CYRIB: variants seen among roughly 807,000 people sequenced by gnomAD.
The protein encoded by CYRIB is CYFIP related Rac1 interactor B, also known as CYFIP-related Rac1 interactor B.
A neutral mutation model predicts 44.2 loss-of-function variants in CYRIB; 8 were observed. That is an observed-to-expected ratio of 0.18 (90% CI 0.11 to 0.33). CYRIB has a LOEUF of 0.33. Among genes scored for constraint, CYRIB ranks in the 10% least tolerant of loss-of-function variants. The pLI, the probability that CYRIB is intolerant of heterozygous loss-of-function variation, is 1.00. For synonymous variants in CYRIB, 131 were observed against 127.2 expected, an observed-to-expected ratio of 1.03 and a Z score of -0.20; for missense variants, 185 against 382.8, an observed-to-expected ratio of 0.48 and a Z score of 4.31.
intron 1 of CYRIB, among the ~76,000 whole-genome samples, chr8:129,972,968 C>T (rs530716066): frequency 1.3e-5 from 2 of 152,332 alleles, no homozygotes; most frequent in African/African-American, 2.4e-5. Flanking sequence ...CTCAGTCTTT[C>T]GGAGCATCTG....
exon 12 of CYRIB, chr8:129,841,633 AAAACTTT>A (rs1471302891): frequency 6.5e-5 from 10 of 153,350 alleles, no homozygotes; most frequent in African/African-American, 2.4e-4. Flanking sequence ...ATGCAAACTT[AAAACTTT>A]AAACAAAAGT....
chr8:129,999,552 G>C (rs1430489053), intron 1 of CYRIB, among the ~76,000 whole-genome samples: 1 of 152,250 alleles, frequency 6.6e-6, no homozygotes. Context: ...CCTTTTACCA[G>C]AATTGCTTCC....
In CYRIB at chr8:129,989,351, C is replaced by T. The variant is rs560064777; in HGVS notation, c.-295-18356G>A. 1.8e-4 allele frequency among the ~76,000 whole-genome samples: 27 copies of T among 152,294 alleles called. No individual in the cohort carries two copies. In the South Asian group the frequency reaches 5.2e-3, roughly 29 times the overall value. On this transcript the variant is annotated intron_variant, in intron 1 of 14. Coordinates refer to the CYRIB transcript ENST00000401979. ...CAGCTGCCCACTGAGCAATGAAAGGCGGTCTCTACTTCCCAAAGCGGACCG... is the reference window on the plus strand; with the variant it reads ...CAGCTGCCCACTGAGCAATGAAAGGTGGTCTCTACTTCCCAAAGCGGACCG...
At chr8:129,922,873 A>C (rs185967065) in intron 1 of CYRIB, among the ~76,000 whole-genome samples, 36 of 150,040 alleles carry the variant, frequency 2.4e-4, no homozygotes, top group Non-Finnish European at 3.0e-5. Flanking sequence ...CAAAAAAAAA[A>C]CAAAAAAAGA....
intron 1 of CYRIB, among the ~76,000 whole-genome samples, chr8:129,923,211 C>G (rs1224940309): frequency 9.5e-6 from 1 of 104,768 alleles, no homozygotes; most frequent in African/African-American, 3.9e-5. Context: ...CCATTGCACT[C>G]TAGCCTGGGC....
intron 1 of CYRIB, among the ~76,000 whole-genome samples, chr8:129,989,570 A>C (rs2133224679): frequency 6.6e-6 from 1 of 151,838 alleles, no homozygotes; most frequent in South Asian, 2.1e-4. Flanking sequence ...GCAGCAGAGC[A>C]GCACAACCAG....
At chr8:129,992,693 T>C (rs1024324153) in intron 1 of CYRIB, among the ~76,000 whole-genome samples, 2 of 152,238 alleles carry the variant, frequency 1.3e-5, no homozygotes, top group Non-Finnish European at 2.9e-5. Flanking sequence ...CACCCATTGT[T>C]CGTATCTCTA....
chr8:129,849,380 G>C lies in CYRIB; in HGVS notation c.714-11C>G, dbSNP rs1310201346. On this transcript the variant is annotated splice_polypyrimidine_tract_variant and intron_variant, in intron 9 of 11. Coordinates refer to ENST00000519824, the Ensembl canonical transcript of CYRIB. ...CTGCTTCTGTATTCCCTGAAGAGTA[G>C]ATAAGATATGCATGGAAGAAGTGCA... is the stretch of plus-strand genomic sequence containing the variant. 2 of 1,597,266 alleles carry C rather than the reference G, an allele frequency of 1.3e-6. No individual in the cohort carries two copies. Among genetic ancestry groups the C allele is most frequent in the African/African-American group, 2.7e-5 (2 of 73,846 alleles).
intron 5 of CYRIB, among the ~76,000 whole-genome samples, chr8:129,858,551 A>G (rs2047440223): frequency 6.6e-6 from 1 of 152,236 alleles, no homozygotes. Flanking sequence ...ATTCTCATCA[A>G]CTGCCATCTA....
At chr8:129,884,829 C>T (rs966870350) in intron 2 of CYRIB, among the ~76,000 whole-genome samples, 3 of 152,144 alleles carry the variant, frequency 2.0e-5, no homozygotes, top group Non-Finnish European at 4.4e-5. Context: ...CATGGTTTAC[C>T]TCAGGAGTTG....
At position 129,852,284 on chromosome 8, in the gene CYRIB, G is replaced by T; in HGVS notation, c.517-6C>A. On this transcript the variant is annotated splice_polypyrimidine_tract_variant and splice_region_variant and intron_variant, in intron 7 of 11. Coordinates refer to ENST00000519824, the Ensembl canonical transcript of CYRIB. Reference sequence around the variant, plus strand: ...ACTTCATTTTCTCCTTCTGCCTGTGGGGAAGGTAAAAGCACTGGATGTTAG... The same window carrying T: ...ACTTCATTTTCTCCTTCTGCCTGTGTGGAAGGTAAAAGCACTGGATGTTAG... 6.6e-7 allele frequency: 1 copy of T among 1,521,924 alleles called. No homozygotes were observed. The highest frequency in any genetic ancestry group is 8.9e-7 in the Non-Finnish European group (1 of 1,126,632). 94.3% of individuals were successfully genotyped at this position (1,521,924 alleles called of 1,614,324 possible).
chr8:129,970,342 G>C (rs113859410), intron 2 of CYRIB, among the ~76,000 whole-genome samples: 1 of 152,056 alleles, frequency 6.6e-6, no homozygotes, highest in African/African-American at 2.4e-5. Context: ...AGGGCACCCA[G>C]GCTCCAAGAG....
At chr8:129,942,583 G>A (rs1387053518), upstream of CYRIB, among the ~76,000 whole-genome samples, 3 of 152,188 alleles carry the variant, frequency 2.0e-5, no homozygotes, top group African/African-American at 4.8e-5. Context: ...CTGCATGAAT[G>A]TGATCATATT....
intron 1 of CYRIB, among the ~76,000 whole-genome samples, chr8:129,923,065 C>T (rs2084771748): frequency 1.6e-5 from 2 of 123,504 alleles, no homozygotes; most frequent in Admixed American, 1.7e-4. Flanking sequence ...CCCGTCTCTA[C>T]TAAAAAAAAA....
intron 7 of CYRIB, among the ~76,000 whole-genome samples, chr8:129,853,778 A>AT (rs2044624636): frequency 6.6e-6 from 1 of 152,242 alleles, no homozygotes; most frequent in Non-Finnish European, 1.5e-5. Flanking sequence ...TCAAACAGCT[A>AT]TATCAGGCAC....
chr8:129,953,887 T>C (rs2094637496), intron 2 of CYRIB, among the ~76,000 whole-genome samples: 1 of 152,150 alleles, frequency 6.6e-6, no homozygotes, highest in Admixed American at 6.6e-5. Flanking sequence ...TTAGACAGAA[T>C]GACAGGAAAA....
At chr8:129,969,950 G>A (rs2095625454) in intron 2 of CYRIB, among the ~76,000 whole-genome samples, 1 of 152,184 alleles carries the variant, frequency 6.6e-6, no homozygotes, top group Admixed American at 6.5e-5. Flanking sequence ...TGTTGAGCAA[G>A]TATATTTGGA....
intron 3 of CYRIB, among the ~76,000 whole-genome samples, chr8:129,874,691 T>C (rs958508491): frequency 2.6e-5 from 4 of 152,284 alleles, no homozygotes; most frequent in African/African-American, 9.6e-5. Context: ...AGGAGACTAC[T>C]ATGCTTTTTG....
At chr8:129,854,108 G>T (rs1345097404) in intron 7 of CYRIB, among the ~76,000 whole-genome samples, 158 bp downstream of exon 9, 1 of 152,188 alleles carries the variant, frequency 6.6e-6, no homozygotes, top group East Asian at 1.9e-4. Context: ...CATATGGTTT[G>T]TTACAGTTTG....
Sources: gnomAD v4.1 joint callset for allele counts (sites outside exome capture counted in the v4.1 genomes callset) on GRCh38, gnomAD v4.1.1 for gene constraint, MANE v1.5 for transcripts, NCBI Gene and HGNC (gene_info 2026-07-23, HGNC 2026-07-21) for gene names.